FBLN5: variants seen among roughly 807,000 people sequenced by gnomAD.
FBLN5 encodes fibulin-5.
In FBLN5, 24 loss-of-function variants were observed where a neutral mutation model predicts 61.6. That is an observed-to-expected ratio of 0.39 (90% CI 0.28 to 0.55). The LOEUF (loss-of-function observed/expected upper bound fraction) is 0.55. FBLN5 is among the 20% of genes least tolerant of loss of function. The pLI is 0.65. For synonymous variants in FBLN5, 213 were observed against 219.8 expected, an observed-to-expected ratio of 0.97 and a Z score of 0.27; for missense variants, 470 against 594.1, an observed-to-expected ratio of 0.79 and a Z score of 2.17.
intron 10 of FBLN5, among the ~76,000 whole-genome samples, chr14:91,871,620 G>A (rs1391523291): frequency 6.6e-6 from 1 of 152,184 alleles, no homozygotes; most frequent in Admixed American, 6.5e-5. Flanking sequence ...CATTTGGGAG[G>A]CCGAGGTGGG....
rs935551519 is a variant in FBLN5, at chr14:91,943,940, T to C, written c.18-979A>G. ...ACGCACCCTGGGCTCAGTTCTGCCA[T>C]GCACAAGACAGTGATGCTCTGGGAG... is the stretch of plus-strand genomic sequence containing the variant. On this transcript the variant is annotated intron_variant, in intron 1 of 10. Coordinates refer to ENST00000342058, the MANE Select transcript of FBLN5 (RefSeq NM_006329.4). This position sits in a 1 kb window ranked among gnomAD's most constrained non-coding sequence, Gnocchi z 4.0. Among the ~76,000 whole-genome samples the C allele has an allele frequency of 2.6e-5, 4 of 152,196 alleles. No homozygotes were observed. The highest frequency in any genetic ancestry group is 5.9e-5 in the Non-Finnish European group (4 of 68,024).
intron 4 of FBLN5, among the ~76,000 whole-genome samples, chr14:91,912,747 C>G (rs1390375622): frequency 1.4e-5 from 2 of 146,974 alleles, no homozygotes; most frequent in Non-Finnish European, 3.0e-5. Context: ...GAAATCGAGG[C>G]TGCCATGAGC....
At position 91,870,240 on chromosome 14, in the gene FBLN5, G is replaced by C; in HGVS notation, c.1331C>G (p.Ser444Trp). ...SSVIRLRIYV[S>W]QYPF ...GCCCGAGGCTCAGAATGGGTACTGCGACACATATATCCGCAGTCGGATCAC... is the reference window on the plus strand; with the variant it reads ...GCCCGAGGCTCAGAATGGGTACTGCCACACATATATCCGCAGTCGGATCAC... The change falls in exon 11 of 11, where the codon TCG becomes TGG. Residue 444 changes from serine (S) to tryptophan (W), a missense_variant. Physicochemically the swap from Ser to Trp is radical, Grantham distance 177 (BLOSUM62 -3). Transcript: ENST00000342058. 2 of 1,614,186 alleles carry C rather than the reference G, an allele frequency of 1.2e-6. No homozygotes were observed. Among genetic ancestry groups the C allele is most frequent in the Non-Finnish European group, 1.7e-6 (2 of 1,180,016 alleles).
At chr14:91,902,909 T>C (rs373086688) in intron 4 of FBLN5, among the ~76,000 whole-genome samples, 4 of 152,074 alleles carry the variant, frequency 2.6e-5, no homozygotes, top group African/African-American at 9.7e-5. Flanking sequence ...ATGGCCACAA[T>C]AGACATTGGG....
intron 4 of FBLN5, among the ~76,000 whole-genome samples, chr14:91,902,713 T>C (rs1019700253): frequency 1.3e-5 from 2 of 152,204 alleles, no homozygotes; most frequent in African/African-American, 4.8e-5. Context: ...GACCACACTT[T>C]GAGTAACAAG....
chr14:91,931,781 T>G (rs965014603), intron 4 of FBLN5, among the ~76,000 whole-genome samples: 1 of 152,062 alleles, frequency 6.6e-6, no homozygotes, highest in East Asian at 1.9e-4. Flanking sequence ...CCCAAGGGAA[T>G]GAGTTGACAG....
At chr14:91,931,264 A>T (rs2055918112) in intron 4 of FBLN5, among the ~76,000 whole-genome samples, 1 of 152,134 alleles carries the variant, frequency 6.6e-6, no homozygotes, top group South Asian at 2.1e-4. Context: ...GGCCGTCTTG[A>T]ATTTCAGCTG....
chr14:91,936,983 A>G lies in FBLN5; in HGVS notation c.343T>C (p.Phe115Leu). The change falls in exon 4 of 11, where the codon TTT (phenylalanine) becomes CTT (leucine). Residue 115 changes from phenylalanine to leucine, a missense_variant. Transcript: ENST00000342058. ...TTGCTTTCATCCATCTGGTATCCAA[A>G]GCGGCATATAAGAGGCCTGGAGATC... is the stretch of plus-strand genomic sequence containing the variant. ...PTISRPLICRFGYQMDESNQC... is the reference protein window; with the variant it reads ...PTISRPLICRLGYQMDESNQC... The G allele has an allele frequency of 6.2e-7, 1 of 1,614,188 alleles. No homozygotes were observed. Among genetic ancestry groups the G allele is most frequent in the Non-Finnish European group, 8.5e-7 (1 of 1,180,038 alleles).
intron 4 of FBLN5, among the ~76,000 whole-genome samples, chr14:91,925,941 G>A (rs1239277636): frequency 3.3e-5 from 5 of 152,134 alleles, no homozygotes; most frequent in East Asian, 1.9e-4. Context: ...GTCAGCAGAG[G>A]GTGTGCTGGA....
At chr14:91,916,951 T>C (rs1223121140) in intron 4 of FBLN5, among the ~76,000 whole-genome samples, 1 of 152,188 alleles carries the variant, frequency 6.6e-6, no homozygotes, top group Non-Finnish European at 1.5e-5. Flanking sequence ...GGGCTTGTGA[T>C]GTAGGCTTGC....
rs765949465 is a variant in FBLN5 at position 91,870,345 on chromosome 14, G to A, written c.1226C>T (p.Pro409Leu). The A allele has an allele frequency of 5.6e-6, 9 of 1,614,132 alleles. No individual in the cohort carries two copies. The highest frequency in any genetic ancestry group is 7.6e-6 in the Non-Finnish European group (9 of 1,180,022). The change falls in exon 11 of 11, where the codon CCC becomes CTC. Residue 409 changes from proline (P) to leucine (L), a missense_variant. By Grantham distance (98) the Pro-to-Leu change is moderately conservative (BLOSUM62 -3). Transcript: ENST00000342058. ...CTGGATTTCCCGGGGCCCTTTGATG[G>A]GGCGTGTCATCACCAGGGTGGCACT... The part of the protein sequence containing the change: ...PISATLVMTR[P>L]IKGPREIQLD...
intron 4 of FBLN5, among the ~76,000 whole-genome samples, chr14:91,924,218 C>A (rs2055788554): frequency 1.3e-5 from 2 of 152,178 alleles, no homozygotes; most frequent in African/African-American, 4.8e-5. Context: ...CAGCTCAGAC[C>A]TCAACACATA....
At chr14:91,889,216 G>A (rs999144622) in intron 6 of FBLN5, among the ~76,000 whole-genome samples, 1 of 152,246 alleles carries the variant, frequency 6.6e-6, no homozygotes, top group African/African-American at 2.4e-5. Context: ...CTAAGCCACT[G>A]AGTGCAAGTT....
At chr14:91,877,031 C>T (rs1201500898) in intron 10 of FBLN5, among the ~76,000 whole-genome samples, 1 of 151,918 alleles carries the variant, frequency 6.6e-6, no homozygotes, top group Non-Finnish European at 1.5e-5. Flanking sequence ...TTTGTAGAGA[C>T]AGAGTTTTGC....
At chr14:91,909,476 T>TCA (rs1890830422) in intron 4 of FBLN5, among the ~76,000 whole-genome samples, 1 of 152,198 alleles carries the variant, frequency 6.6e-6, no homozygotes, top group African/African-American at 2.4e-5. Context: ...CAGTTGCCAC[T>TCA]GTGACAGTAT....
chr14:91,947,234 A>G lies in FBLN5; in HGVS notation c.-5T>C. On this transcript the variant is annotated 5_prime_UTR_variant, in exon 1 of 11. Coordinates refer to ENST00000342058, the MANE Select transcript of FBLN5 (RefSeq NM_006329.4). The surrounding 1 kb of genome is among the most constrained non-coding windows in gnomAD (Gnocchi z 4.3). ...CCACCTTTTTATTCCTGGCATGTCC[A>G]AGACGCGCGAGGAGGAGATGCGAAG... 6.2e-7 allele frequency: 1 copy of G among 1,614,208 alleles called. No homozygotes were observed.
At chr14:91,886,271 G>A (rs907646575) in intron 7 of FBLN5, among the ~76,000 whole-genome samples, 15 of 152,200 alleles carry the variant, frequency 9.9e-5, no homozygotes, top group African/African-American at 3.6e-4. Flanking sequence ...CTGAAATGGA[G>A]TGTACTTTAA....
At chr14:91,907,307 A>G (rs911829606) in intron 4 of FBLN5, among the ~76,000 whole-genome samples, 5 of 152,152 alleles carry the variant, frequency 3.3e-5, no homozygotes, top group Non-Finnish European at 5.9e-5. Context: ...TTGGAACCAG[A>G]GCTGAAAACT....
chr14:91,920,735 T>C (rs2055719076), intron 4 of FBLN5, among the ~76,000 whole-genome samples: 1 of 152,160 alleles, frequency 6.6e-6, no homozygotes, highest in East Asian at 1.9e-4. Context: ...ACCCTCCTCC[T>C]GGCAAGCCTC....
Sources: gnomAD v4.1 joint callset for allele counts (sites outside exome capture counted in the v4.1 genomes callset) on GRCh38, gnomAD v4.1.1 for gene constraint, Gnocchi (gnomAD v3.1) non-coding constraint, MANE v1.5 for transcripts, NCBI Gene and HGNC (gene_info 2026-07-23, HGNC 2026-07-21) for gene names.